Variants in CCNH observed in about 807,000 individuals in gnomAD.
CCNH encodes cyclin H, also known as cyclin-H.
CCNH carries 31 observed loss-of-function variants against 41.9 expected under a neutral mutation model. That is an observed-to-expected ratio of 0.74 (90% CI 0.56 to 1.00). The LOEUF (loss-of-function observed/expected upper bound fraction) is 1.00. Ranked by LOEUF, CCNH falls within the 50% of genes least tolerant of loss-of-function variation. The pLI, the probability that CCNH is intolerant of heterozygous loss-of-function variation, is 0.00. For missense variants in CCNH, 362 were observed against 388.4 expected, an observed-to-expected ratio of 0.93 and a Z score of 0.57; for synonymous variants, 138 against 136.1, an observed-to-expected ratio of 1.01 and a Z score of -0.10.
At chr5:87,377,394 A>C (rs1015227202), upstream of CCNH, among the ~76,000 whole-genome samples, 6 of 152,118 alleles carry the variant, frequency 3.9e-5, no homozygotes, top group African/African-American at 1.2e-4. Flanking sequence ...GCAGTGGCGC[A>C]GTCTCGGCTC....
At chr5:87,367,321 CTTT>C (rs1290781702) in intron 9 of CCNH, among the ~76,000 whole-genome samples, 2 of 151,846 alleles carry the variant, frequency 1.3e-5, no homozygotes, top group African/African-American at 2.4e-5. Context: ...ATATCTTTTT[CTTT>C]ATTATCAAAT....
At chr5:87,334,740 G>A (rs971859061) in intron 9 of CCNH, among the ~76,000 whole-genome samples, 4 of 152,184 alleles carry the variant, frequency 2.6e-5, no homozygotes, top group Non-Finnish European at 4.4e-5. Context: ...TGATGAGGGA[G>A]TAAAAAATAT....
Position 87,401,779 on chromosome 5 carries a change from A to G in CCNH, c.690-7T>C, listed in dbSNP as rs746520227. On this transcript the variant is annotated splice_polypyrimidine_tract_variant and splice_region_variant and intron_variant, in intron 5 of 8. Transcript: ENST00000256897. ...CAGACTCTCTGATAAATAACTAGTA[A>G]AGAAAAGAAAAAAAAATCTATTGAA... 1 of 1,529,166 alleles carries G rather than the reference A, an allele frequency of 6.5e-7. No homozygotes were observed. The highest frequency in any genetic ancestry group is 1.2e-5 in the South Asian group (1 of 81,972). The allele number at this position is 1,529,166 out of a possible 1,614,324, so 94.7% of individuals were successfully genotyped here. A position where few individuals can be genotyped will look rare whatever the true frequency, so the allele number is the denominator to read the frequency against.
At chr5:87,324,697 C>T (rs564942918) in intron 9 of CCNH, among the ~76,000 whole-genome samples, 1 of 152,236 alleles carries the variant, frequency 6.6e-6, no homozygotes, top group East Asian at 1.9e-4. Flanking sequence ...TGGTTATATA[C>T]AAATATACCC....
intron 9 of CCNH, among the ~76,000 whole-genome samples, chr5:87,354,088 A>G (rs1398706088): frequency 6.6e-6 from 1 of 151,992 alleles, no homozygotes; most frequent in African/African-American, 2.4e-5. Flanking sequence ...TCCTCCTAAC[A>G]AATTCATTTC....
chr5:87,389,102 T>A (rs1011768360), downstream of CCNH, among the ~76,000 whole-genome samples: 20 of 152,136 alleles, frequency 1.3e-4, no homozygotes, highest in Admixed American at 1.2e-3. Flanking sequence ...AATTTGAGTA[T>A]TAAAAAAATT....
chr5:87,317,261 C>T (rs529276356), downstream of CCNH, among the ~76,000 whole-genome samples: 10 of 152,220 alleles, frequency 6.6e-5, no homozygotes, highest in South Asian at 2.1e-3. Flanking sequence ...TTTGTGCGTT[C>T]CAGACTTTTA....
intron 9 of CCNH, chr5:87,366,527 A>AG (rs1760530882): frequency 4.9e-6 from 1 of 202,798 alleles, no homozygotes; most frequent in Admixed American, 4.9e-5. Context: ...TCTGTCTGGT[A>AG]GGGGGAAAGC....
chr5:87,397,985 T>TA (rs1561345032), intron 7 of CCNH, among the ~76,000 whole-genome samples: 1 of 152,216 alleles, frequency 6.6e-6, no homozygotes, highest in Non-Finnish European at 1.5e-5. Context: ...ATATGCCTGG[T>TA]AGGTAACAGT....
At chr5:87,372,986 C>T (rs948889212), downstream of CCNH, among the ~76,000 whole-genome samples, 16 of 152,220 alleles carry the variant, frequency 1.1e-4, no homozygotes, top group African/African-American at 3.4e-4. Context: ...TTTAAGTATA[C>T]ACACAATCGC....
At chr5:87,341,300 A>G in intron 9 of CCNH, 1 of 1,355,012 alleles carries the variant, frequency 7.4e-7, no homozygotes, top group Non-Finnish European at 9.6e-7. Flanking sequence ...GGCCGGGAAG[A>G]AGATCCACAT....
At chr5:87,358,965 C>G (rs960888412) in intron 9 of CCNH, among the ~76,000 whole-genome samples, 2 of 152,144 alleles carry the variant, frequency 1.3e-5, no homozygotes, top group Non-Finnish European at 2.9e-5. Flanking sequence ...TTTACCTAGA[C>G]ACCTTAATTA....
chr5:87,376,568 A>G, exon 1 of CCNH: 1 of 1,611,082 alleles, frequency 6.2e-7, no homozygotes, highest in Non-Finnish European at 8.5e-7. Context: ...TTAAAGAGGT[A>G]TTAAATTATT....
chr5:87,394,864 GAA>G lies in CCNH; in HGVS notation c.933+178_933+179del, dbSNP rs1027858390. 5 of 1,392,192 alleles carry G rather than the reference GAA, an allele frequency of 3.6e-6. No individual in the cohort carries two copies. In the African/African-American group the frequency reaches 7.4e-5, roughly 20 times the overall value. 86.2% of individuals were successfully genotyped at this position (1,392,192 alleles called of 1,614,324 possible). The stretch of plus-strand genomic sequence containing the variant: ...AAGGATTCTTCATTAAATAAAGACA[GAA>G]GAGAGAAAAATCCCTTTAATAATGG... On this transcript the variant is annotated intron_variant, in intron 8 of 8. Coordinates refer to ENST00000256897, the MANE Select transcript of CCNH (RefSeq NM_001239.4).
At chr5:87,337,943 A>T in intron 9 of CCNH, 3 of 1,567,188 alleles carry the variant, frequency 1.9e-6, no homozygotes, top group Non-Finnish European at 2.6e-6. Context: ...AAAATTTTTA[A>T]ATTTAATAAC....
intron 9 of CCNH, among the ~76,000 whole-genome samples, chr5:87,351,381 A>C (rs1189361348): frequency 6.6e-6 from 1 of 151,794 alleles, no homozygotes; most frequent in African/African-American, 2.4e-5. Flanking sequence ...GGGGATATAT[A>C]AATGCATGGG....
chr5:87,364,695 G>A (rs931452913), intron 9 of CCNH, among the ~76,000 whole-genome samples: 3 of 152,086 alleles, frequency 2.0e-5, no homozygotes, highest in African/African-American at 7.2e-5. Flanking sequence ...CACCCTTCTT[G>A]TGGGTTGAAT....
At chr5:87,364,502 G>GAT (rs921649734) in intron 9 of CCNH, among the ~76,000 whole-genome samples, 1 of 152,076 alleles carries the variant, frequency 6.6e-6, no homozygotes, top group Non-Finnish European at 1.5e-5. Flanking sequence ...ATTTTACGAA[G>GAT]ATACCCTTTT....
At chr5:87,317,634 CTT>C (rs112587674), downstream of CCNH, among the ~76,000 whole-genome samples, 3 of 143,814 alleles carry the variant, frequency 2.1e-5, no homozygotes, top group African/African-American at 7.6e-5. Context: ...TTCTCATGCT[CTT>C]TTTTTTTTTT....
Sources: gnomAD v4.1 joint callset for allele counts (sites outside exome capture counted in the v4.1 genomes callset) on GRCh38, gnomAD v4.1.1 for gene constraint, MANE v1.5 for transcripts, NCBI Gene and HGNC (gene_info 2026-07-23, HGNC 2026-07-21) for gene names.